The following RIMS4 variants were observed in gnomAD, a reference collection of about 807,000 sequenced individuals.
RIMS4 encodes the protein regulating synaptic membrane exocytosis protein 4.
Under a neutral mutation model 29.0 loss-of-function variants are expected in RIMS4, and 9 were observed. That is an observed-to-expected ratio of 0.31 (90% confidence interval 0.19 to 0.54). The LOEUF is 0.54. Ranked by LOEUF, RIMS4 falls within the 20% of genes least tolerant of loss-of-function variation. RIMS4 has a pLI of 0.94. For missense variants in RIMS4, 193 were observed against 365.7 expected (o/e 0.53, Z 3.85); for synonymous variants, 130 against 152.9 (o/e 0.85, Z 1.10).
intron 1 of RIMS4, among the ~76,000 whole-genome samples, chr20:44,807,963 T>C (rs1050713018): frequency 6.6e-6 from 1 of 152,018 alleles, no homozygotes; most frequent in East Asian, 1.9e-4. Flanking sequence ...CTGGATTTCT[T>C]AAAAATCCTC....
At chr20:44,758,018 T>C (rs117734770) in intron 3 of RIMS4, 54 bp downstream of exon 3, 3 of 1,310,506 alleles carry the variant, frequency 2.3e-6, no homozygotes, top group Admixed American at 3.9e-5. Context: ...GCTGAGCTTC[T>C]GGTGTGACAC....
chr20:44,798,713 CG>C (rs972807898), intron 1 of RIMS4, among the ~76,000 whole-genome samples: 14 of 152,170 alleles, frequency 9.2e-5, no homozygotes, highest in African/African-American at 3.4e-4. Flanking sequence ...ATAGGAGTAC[CG>C]AAGCCTAGTC....
chr20:44,764,191 T>TCC (rs2066102033), intron 2 of RIMS4, among the ~76,000 whole-genome samples: 19 of 10,514 alleles, frequency 1.8e-3, no homozygotes, highest in South Asian at 4.1e-3. Context: ...TCCATCCATT[T>TCC]ATCCATCCAT....
intron 1 of RIMS4, among the ~76,000 whole-genome samples, chr20:44,803,057 G>A (rs111307485): frequency 3.9e-5 from 6 of 152,044 alleles, no homozygotes; most frequent in Admixed American, 6.5e-5. Flanking sequence ...GCCCATCATC[G>A]TTCCATTTTC....
intron 1 of RIMS4, among the ~76,000 whole-genome samples, chr20:44,777,505 A>C (rs1280561669): frequency 6.6e-6 from 1 of 152,246 alleles, no homozygotes; most frequent in East Asian, 1.9e-4. Context: ...GACAAGTATT[A>C]TTATCCTAAT....
chr20:44,782,940 T>C lies in RIMS4; in HGVS notation c.98-11527A>G, dbSNP rs6124662. 9.8e-5 allele frequency among the ~76,000 whole-genome samples: 15 copies of C among 152,306 alleles called. No homozygotes were observed. In the East Asian group the frequency reaches 2.3e-3, roughly 24 times the overall value. On this transcript the variant is annotated intron_variant, in intron 1 of 5. Transcript: ENST00000372851. ...GCACAGATCCATGTTAACTGTGAAA[T>C]AGATCTCTCATACCCCTTGTGGGAC...
intron 1 of RIMS4, among the ~76,000 whole-genome samples, chr20:44,805,472 G>A (rs980677064): frequency 2.0e-5 from 3 of 152,144 alleles, no homozygotes; most frequent in African/African-American, 7.2e-5. Context: ...ATGGGAAGGG[G>A]GGTGTGGTCA....
At chr20:44,775,976 C>T (rs955062862) in intron 1 of RIMS4, among the ~76,000 whole-genome samples, 1 of 152,140 alleles carries the variant, frequency 6.6e-6, no homozygotes, top group African/African-American at 2.4e-5. Flanking sequence ...TCAGTCATGC[C>T]ACCATCTTAT....
chr20:44,774,277 G>C (rs575333031), intron 1 of RIMS4, among the ~76,000 whole-genome samples: 1 of 152,254 alleles, frequency 6.6e-6, no homozygotes, highest in East Asian at 1.9e-4. Context: ...ATTGTTAATA[G>C]CGAGTGTCAA....
chr20:44,797,446 C>T (rs1012321185), intron 1 of RIMS4, among the ~76,000 whole-genome samples: 1 of 152,182 alleles, frequency 6.6e-6, no homozygotes, highest in Non-Finnish European at 1.5e-5. Context: ...CTCCAGTTGC[C>T]CTTGCTTGGG....
intron 2 of RIMS4, among the ~76,000 whole-genome samples, chr20:44,763,995 CATCCATCCATCCATTT>C (rs1213450203): frequency 1.2e-4 from 18 of 150,254 alleles, no homozygotes; most frequent in African/African-American, 2.2e-4. Context: ...CCTATCACTT[CATCCATCCATCCATTT>C]ATCCATCCAT....
intron 1 of RIMS4, among the ~76,000 whole-genome samples, chr20:44,780,584 T>C (rs1030545376): frequency 6.6e-6 from 1 of 152,184 alleles, no homozygotes; most frequent in African/African-American, 2.4e-5. Context: ...TGCTCAGCAC[T>C]CATCATTTCA....
intron 1 of RIMS4, among the ~76,000 whole-genome samples, chr20:44,776,735 T>G (rs770577323): frequency 6.6e-6 from 1 of 152,172 alleles, no homozygotes; most frequent in South Asian, 2.1e-4. Context: ...CTCAACAAAG[T>G]TGACTATTAT....
At chr20:44,770,462 C>A (rs1050238837) in intron 2 of RIMS4, among the ~76,000 whole-genome samples, 1 of 152,086 alleles carries the variant, frequency 6.6e-6, no homozygotes, top group Non-Finnish European at 1.5e-5. Flanking sequence ...GCACTGAGGG[C>A]TGTGTGTATT....
Position 44,771,420 on chromosome 20 carries a change from G to A in RIMS4, c.98-7C>T. ...TTCAGCCTCCGGCTGTCCCCTTCTG[G>A]GCAAAGCGGCCAAGAGAGATGGGAA... is the stretch of plus-strand genomic sequence containing the variant. On this transcript the variant is annotated splice_polypyrimidine_tract_variant and splice_region_variant and intron_variant, in intron 1 of 5. Transcript: ENST00000372851. 6.2e-7 allele frequency: 1 copy of A among 1,608,772 alleles called. No individual in the cohort carries two copies. Among genetic ancestry groups the A allele is most frequent in the Non-Finnish European group, 8.5e-7 (1 of 1,176,722 alleles).
At chr20:44,759,688 A>T (rs1020104554) in intron 2 of RIMS4, among the ~76,000 whole-genome samples, 5 of 152,272 alleles carry the variant, frequency 3.3e-5, no homozygotes, top group African/African-American at 1.2e-4. Flanking sequence ...AAGCCAGGCC[A>T]ATCAAAACCT....
Position 44,757,702 on chromosome 20 carries a change from A to G in RIMS4, c.419T>C (p.Leu140Pro). Reference sequence around the variant, plus strand: ...TGTCTTGGAGCCTGGCTTGGCTGTCAGTCCCCGAGCCTGGATAATGTCCAC... The same window carrying G: ...TGTCTTGGAGCCTGGCTTGGCTGTCGGTCCCCGAGCCTGGATAATGTCCAC... ...LEVDIIQARG[L>P]TAKPGSKTLP... The change falls in exon 4 of 6, where the codon CTG (leucine) becomes CCG (proline). Residue 140 changes from leucine to proline, a missense_variant. Transcript: ENST00000372851. 2 of 1,614,130 alleles carry G rather than the reference A, an allele frequency of 1.2e-6. No individual in the cohort carries two copies. Among genetic ancestry groups the G allele is most frequent in the Non-Finnish European group, 1.7e-6 (2 of 1,180,010 alleles).
intron 1 of RIMS4, among the ~76,000 whole-genome samples, chr20:44,805,457 A>C (rs1374454010): frequency 6.6e-6 from 1 of 152,152 alleles, no homozygotes; most frequent in Non-Finnish European, 1.5e-5. Context: ...GAAAACATTA[A>C]GAAAATGGGA....
At chr20:44,806,687 C>T (rs1355318659) in intron 1 of RIMS4, among the ~76,000 whole-genome samples, 1 of 152,272 alleles carries the variant, frequency 6.6e-6, no homozygotes, top group Non-Finnish European at 1.5e-5. Context: ...CTACCTCATG[C>T]CAGGTACTGT....
Sources: allele counts gnomAD v4.1 joint callset (sites outside exome capture counted in the v4.1 genomes callset), GRCh38; gene constraint gnomAD v4.1.1; transcripts MANE v1.5; gene names NCBI Gene and HGNC (gene_info 2026-07-23, HGNC 2026-07-21).